ALPL: variants seen among roughly 807,000 people sequenced by gnomAD.
The protein encoded by ALPL is alkaline phosphatase, tissue-nonspecific isozyme.
Under a neutral mutation model 51.3 loss-of-function variants are expected in ALPL, and 42 were observed. The observed-to-expected ratio is 0.82, with a 90% CI of 0.64 to 1.06. The LOEUF (loss-of-function observed/expected upper bound fraction) is 1.06, where lower values mean the gene tolerates loss of function less well. Ranked by LOEUF, ALPL falls within the 50% of genes least tolerant of loss-of-function variation. The pLI is 0.00. For missense variants in ALPL, 589 were observed against 709.4 expected (o/e 0.83, Z 1.93); for synonymous variants, 279 against 296.4 (o/e 0.94, Z 0.60).
At chr1:21,531,526 G>A (rs934442847) in intron 1 of ALPL, among the ~76,000 whole-genome samples, 1 of 152,214 alleles carries the variant, frequency 6.6e-6, no homozygotes, top group African/African-American at 2.4e-5. Context: ...TGGACAATTT[G>A]GGGCTCACAT....
Position 21,577,618 on chromosome 1 carries a change from G to T in ALPL, c.1545G>T (p.Leu515=). ...SLAAGPLLLA[L]ALYPLSVLF is the part of the protein sequence containing the mutation. The stretch of plus-strand genomic sequence containing the variant: ...CTGCAGGCCCCCTGCTGCTCGCGCT[G>T]GCCCTCTACCCCCTGAGCGTCCTGT... The change falls in exon 12 of 12, where the codon CTG becomes CTT. Residue 515 remains leucine, a synonymous_variant. Transcript: ENST00000374840. 6.3e-7 allele frequency: 1 copy of T among 1,599,556 alleles called. No homozygotes were observed. The highest frequency in any genetic ancestry group is 8.5e-7 in the Non-Finnish European group (1 of 1,179,428).
chr1:21,572,001 G>T (rs967689323), intron 8 of ALPL, among the ~76,000 whole-genome samples: 4 of 151,676 alleles, frequency 2.6e-5, no homozygotes, highest in African/African-American at 9.7e-5. Context: ...TTAAAAAAAA[G>T]AAAGAAAGAA....
In ALPL at chr1:21,577,622, C is replaced by G; in HGVS notation, c.1549C>G (p.Leu517Val). 6.3e-7 allele frequency: 1 copy of G among 1,599,194 alleles called. No individual in the cohort carries two copies. Among genetic ancestry groups the G allele is most frequent in the South Asian group, 1.1e-5 (1 of 90,852 alleles). Residue 517 changes from leucine (L) to valine (V), a missense_variant, in exon 12 of 12, where the codon CTC (leucine) becomes GTC (valine). By Grantham distance (32) the Leu-to-Val change is conservative (BLOSUM62 1). Transcript: ENST00000374840. The stretch of plus-strand genomic sequence containing the variant: ...AGGCCCCCTGCTGCTCGCGCTGGCC[C>G]TCTACCCCCTGAGCGTCCTGTTCTG... ...AAGPLLLALALYPLSVLF is the reference protein window; with the variant it reads ...AAGPLLLALAVYPLSVLF
chr1:21,547,344 A>G (rs1644265640), intron 1 of ALPL, among the ~76,000 whole-genome samples: 1 of 152,126 alleles, frequency 6.6e-6, no homozygotes, highest in African/African-American at 2.4e-5. Context: ...CTTTGGAGCT[A>G]GTGTGACCGA....
At position 21,575,932 on chromosome 1, in the gene ALPL, G is replaced by A; in HGVS notation, c.1189+8G>A. On this transcript the variant is annotated splice_region_variant and intron_variant, in intron 10 of 11. Transcript: ENST00000374840. ...GTGGCAACTCTATCTTTGGTAGGTG[G>A]GCCTTCTTTGGGGTGGACACTCCTG... The A allele has an allele frequency of 6.2e-7, 1 of 1,614,196 alleles. No individual in the cohort carries two copies. The highest frequency in any genetic ancestry group is 8.5e-7 in the Non-Finnish European group (1 of 1,180,036).
intron 1 of ALPL, among the ~76,000 whole-genome samples, chr1:21,511,611 A>T (rs543771760): frequency 2.0e-5 from 3 of 152,290 alleles, no homozygotes; most frequent in Admixed American, 2.0e-4. Flanking sequence ...GTGGGGTGGC[A>T]TGGTGCCCTC....
intron 9 of ALPL, chr1:21,574,159 G>C (rs948740052): frequency 3.8e-5 from 37 of 985,366 alleles, no homozygotes; most frequent in Non-Finnish European, 4.1e-5. Context: ...TTCCCACGCT[G>C]TGTGCTGATG....
At chr1:21,568,686 A>T (rs1644604022) in intron 7 of ALPL, among the ~76,000 whole-genome samples, 4 of 152,002 alleles carry the variant, frequency 2.6e-5, no homozygotes, top group Admixed American at 2.0e-4. Context: ...AAGTAGGAGG[A>T]TGGAGGGAGG....
Position 21,564,078 on chromosome 1 carries a change from C to T in ALPL, c.510C>T (p.Asn170=), listed in dbSNP as rs373912990. The part of the protein sequence containing the change: ...SVGIVTTTRV[N]HATPSAAYAH... ...GCATTGTGACCACCACGAGAGTGAA[C>T]CATGCCACCCCCAGCGCCGCCTACG... Residue 170 remains asparagine (N), a synonymous_variant, in exon 6 of 12, where the codon AAC becomes AAT. Coordinates refer to ENST00000374840, the MANE Select transcript of ALPL (RefSeq NM_000478.6). This position sits in a 1 kb window ranked among gnomAD's most constrained non-coding sequence, Gnocchi z 5.8. The T allele has an allele frequency of 5.0e-6, 8 of 1,614,066 alleles. No individual in the cohort carries two copies. The highest frequency in any genetic ancestry group is 5.9e-6 in the Non-Finnish European group (7 of 1,180,002).
At position 21,562,650 on chromosome 1, in the gene ALPL, A is replaced by T. The variant is rs2996665; in HGVS notation, c.298-460A>T. On this transcript the variant is annotated intron_variant, in intron 4 of 11. Transcript: ENST00000374840. ...CCGCAGGGCAGGTGGCAGAGAAGTCAGCGCTGGTCTTGGCCCCACCCTTCC... is the reference window on the plus strand; with the variant it reads ...CCGCAGGGCAGGTGGCAGAGAAGTCTGCGCTGGTCTTGGCCCCACCCTTCC... Among the ~76,000 whole-genome samples, 29 of 151,096 alleles carry T rather than the reference A, an allele frequency of 1.9e-4. No individual in the cohort carries two copies. In the South Asian group the frequency reaches 4.6e-3, roughly 24 times the overall value.
At chr1:21,555,497 A>G (rs1282607868) in intron 2 of ALPL, among the ~76,000 whole-genome samples, 1 of 152,146 alleles carries the variant, frequency 6.6e-6, no homozygotes, top group African/African-American at 2.4e-5. Context: ...GCTCACTGCA[A>G]CCTTCGCCAC....
rs566391358 is a variant in ALPL at position 21,522,370 on chromosome 1, G to A, written c.-105+12853G>A. Among the ~76,000 whole-genome samples the A allele has an allele frequency of 1.6e-4, 24 of 152,252 alleles. No individual in the cohort carries two copies. In the South Asian group the frequency reaches 3.3e-3, roughly 21 times the overall value. ...ATTACAGGCGTGAGCCACTGCACCCGGCCAGGTTTGTTTAAAATATATCAT... is the reference window on the plus strand; with the variant it reads ...ATTACAGGCGTGAGCCACTGCACCCAGCCAGGTTTGTTTAAAATATATCAT... On this transcript the variant is annotated intron_variant, in intron 1 of 11. Coordinates refer to ENST00000374840, the MANE Select transcript of ALPL (RefSeq NM_000478.6).
chr1:21,563,354 T>G, intron 5 of ALPL, 70 bp downstream of exon 5: 1 of 1,519,918 alleles, frequency 6.6e-7, no homozygotes, highest in South Asian at 1.3e-5. Flanking sequence ...TTTCTGACTG[T>G]GTCATGGGAA....
At position 21,564,424 on chromosome 1, in the gene ALPL, G is replaced by A. The variant is rs1487040044; in HGVS notation, c.648+208G>A. Among the ~76,000 whole-genome samples the A allele has an allele frequency of 6.6e-6, 1 of 152,184 alleles. No homozygotes were observed. The highest frequency in any genetic ancestry group is 1.5e-5 in the Non-Finnish European group (1 of 68,034). ...GTGGGGCTGCGGGGTGAACCCTCAT[G>A]TGACCGCCACCACACCCCAAGAACC... On this transcript the variant is annotated intron_variant, in intron 6 of 11. Transcript: ENST00000374840. The surrounding 1 kb of genome is among the most constrained non-coding windows in gnomAD (Gnocchi z 5.8).
At chr1:21,555,638 G>A (rs983428848) in intron 2 of ALPL, among the ~76,000 whole-genome samples, 34 of 152,018 alleles carry the variant, frequency 2.2e-4, no homozygotes, top group African/African-American at 6.5e-4. Flanking sequence ...GGCTGATCTC[G>A]AACTCCTGAC....
chr1:21,524,602 C>T (rs66871026), intron 1 of ALPL, among the ~76,000 whole-genome samples: 59,467 of 152,034 alleles, frequency 0.39, 13,285 homozygotes, highest in East Asian at 0.83. Context: ...AATTGGAACC[C>T]GGGCAGCCTT....
At position 21,570,359 on chromosome 1, in the gene ALPL, G is replaced by T; in HGVS notation, c.847G>T (p.Val283Leu). 6.2e-7 allele frequency: 1 copy of T among 1,614,078 alleles called. No individual in the cohort carries two copies. The highest frequency in any genetic ancestry group is 8.5e-7 in the Non-Finnish European group (1 of 1,179,998). The part of the protein sequence containing the change: ...TELLTLDPHN[V>L]DYLLGLFEPG... ...ACTCCTGACCCTTGACCCCCACAAT[G>T]TGGACTACCTATTGGGTAAGTGGAG... Residue 283 changes from valine to leucine, a missense_variant, in exon 8 of 12, where the codon GTG (valine) becomes TTG (leucine). By Grantham distance (32) the Val-to-Leu change is conservative. Transcript: ENST00000374840.
intron 1 of ALPL, among the ~76,000 whole-genome samples, chr1:21,541,944 A>G (rs538484177): frequency 7.9e-5 from 12 of 152,192 alleles, no homozygotes; most frequent in African/African-American, 2.6e-4. Flanking sequence ...CCTTACTATA[A>G]TCCCCAGCAC....
At position 21,554,910 on chromosome 1, in the gene ALPL, TTTTCTTTC is replaced by T. The variant is rs149848494; in HGVS notation, c.61+784_61+791del. ...CTTTTTCTTTCTTTCTTTCTTTCTC[TTTTCTTTC>T]TTTCTTTCTTTCTTTTCTTTTTCTT... On this transcript the variant is annotated intron_variant, in intron 2 of 11. Transcript: ENST00000374840. Among the ~76,000 whole-genome samples, 17 of 136,580 alleles carry T rather than the reference TTTTCTTTC, an allele frequency of 1.2e-4. 1 individual carries two copies. Among genetic ancestry groups the T allele is most frequent in the Admixed American group, 5.3e-4 (7 of 13,250 alleles). 89.6% of individuals were successfully genotyped at this position (136,580 alleles called of 152,430 possible). A position where few individuals can be genotyped will look rare whatever the true frequency, so the allele number is the denominator to read the frequency against.
Sources: allele counts gnomAD v4.1 joint callset (sites outside exome capture counted in the v4.1 genomes callset), GRCh38; gene constraint gnomAD v4.1.1; non-coding constraint Gnocchi (gnomAD v3.1); transcripts MANE v1.5; gene names NCBI Gene and HGNC (gene_info 2026-07-23, HGNC 2026-07-21).